Variants in ADK observed in about 807,000 individuals in gnomAD.
ADK encodes N6,N6-dimethyladenosine kinase.
In ADK, 24 loss-of-function variants were observed where a neutral mutation model predicts 44.7. The ratio of observed to expected loss-of-function variants is 0.54; its 90% CI spans 0.39 to 0.76. ADK has a LOEUF of 0.76. Among genes scored for constraint, ADK ranks in the 30% least tolerant of loss-of-function variants. The pLI, the probability that ADK is intolerant of heterozygous loss-of-function variation, is 0.00. For synonymous variants in ADK, 128 were observed against 142.6 expected, an observed-to-expected ratio of 0.90 and a Z score of 0.73; for missense variants, 321 against 425.1, an observed-to-expected ratio of 0.76 and a Z score of 2.15.
chr10:74,367,724 A>G (rs1842539077), intron 4 of ADK, among the ~76,000 whole-genome samples: 1 of 152,222 alleles, frequency 6.6e-6, no homozygotes, highest in African/African-American at 2.4e-5. Flanking sequence ...TACTGTAAAC[A>G]AGTGTCCTTT....
intron 9 of ADK, among the ~76,000 whole-genome samples, chr10:74,614,191 G>A (rs1852660330): frequency 6.6e-6 from 1 of 152,058 alleles, no homozygotes; most frequent in South Asian, 2.1e-4. Context: ...CAAGCCTGAA[G>A]AAATGAGACT....
At chr10:74,358,735 C>G (rs760185679) in intron 4 of ADK, among the ~76,000 whole-genome samples, 20 of 152,208 alleles carry the variant, frequency 1.3e-4, no homozygotes, top group Non-Finnish European at 2.4e-4. Context: ...CTACATCTCT[C>G]CAGCTCCATT....
At chr10:74,459,382 C>CATA (rs1846075633) in intron 6 of ADK, among the ~76,000 whole-genome samples, 1 of 151,866 alleles carries the variant, frequency 6.6e-6, no homozygotes, top group Admixed American at 6.6e-5. Context: ...CACCTTTTTA[C>CATA]ATTTCAGAGG....
Position 74,615,859 on chromosome 10 carries a change from C to T in ADK, c.877+15366C>T, listed in dbSNP as rs1852736939. Among the ~76,000 whole-genome samples the T allele has an allele frequency of 2.0e-5, 3 of 152,112 alleles. No individual in the cohort carries two copies. The South Asian group carries it at 6.2e-4, about 32-fold the overall frequency. ...TAGTAGTTGGGACTACAGGTGCCCACCATCACGCCTGGCTCATTTTTTTAT... is the reference window on the plus strand; with the variant it reads ...TAGTAGTTGGGACTACAGGTGCCCATCATCACGCCTGGCTCATTTTTTTAT... On this transcript the variant is annotated intron_variant, in intron 9 of 10. Coordinates refer to ENST00000539909, the MANE Select transcript of ADK (RefSeq NM_006721.4).
At chr10:74,607,464 G>T (rs2133983714) in intron 9 of ADK, among the ~76,000 whole-genome samples, 1 of 152,258 alleles carries the variant, frequency 6.6e-6, no homozygotes, top group African/African-American at 2.4e-5. Flanking sequence ...TGTCTTTAAA[G>T]GATTTTATTT....
chr10:74,337,470 A>G (rs1322439329), intron 4 of ADK, among the ~76,000 whole-genome samples: 1 of 152,174 alleles, frequency 6.6e-6, no homozygotes, highest in Admixed American at 6.5e-5. Context: ...GTAATTTGGA[A>G]TGGTGGGAAA....
chr10:74,279,719 G>A (rs913845970), intron 3 of ADK, among the ~76,000 whole-genome samples: 3 of 150,732 alleles, frequency 2.0e-5, no homozygotes, highest in African/African-American at 7.3e-5. Flanking sequence ...TTTTTCATGA[G>A]TGAAGTTGAG....
At chr10:74,284,989 A>G (rs1221078975) in intron 3 of ADK, among the ~76,000 whole-genome samples, 1 of 152,196 alleles carries the variant, frequency 6.6e-6, no homozygotes, top group African/African-American at 2.4e-5. Flanking sequence ...TGCTAATAAT[A>G]TAGTATAGCC....
chr10:74,361,816 A>G (rs1164777853), intron 4 of ADK, among the ~76,000 whole-genome samples: 1 of 152,236 alleles, frequency 6.6e-6, no homozygotes, highest in African/African-American at 2.4e-5. Context: ...GTTTTGAAGG[A>G]TAATTGTGCT....
intron 3 of ADK, among the ~76,000 whole-genome samples, chr10:74,261,954 G>C (rs1376852917): frequency 1.3e-5 from 2 of 151,400 alleles, no homozygotes; most frequent in African/African-American, 4.9e-5. Context: ...ATTTTCTTTA[G>C]AGCTATGAGT....
At chr10:74,455,677 T>C (rs1589127730) in intron 6 of ADK, among the ~76,000 whole-genome samples, 1 of 152,220 alleles carries the variant, frequency 6.6e-6, no homozygotes, top group South Asian at 2.1e-4. Flanking sequence ...GCCCAGCTAA[T>C]TTTTGTATTT....
intron 7 of ADK, among the ~76,000 whole-genome samples, chr10:74,547,839 G>A (rs1849893177): frequency 6.6e-6 from 1 of 151,770 alleles, no homozygotes; most frequent in Non-Finnish European, 1.5e-5. Context: ...TGTATTTTTG[G>A]TAGAGACAGG....
intron 1 of ADK, among the ~76,000 whole-genome samples, chr10:74,160,672 TGC>T (rs1841865544): frequency 6.6e-6 from 1 of 151,712 alleles, no homozygotes; most frequent in Non-Finnish European, 1.5e-5. Context: ...TAGGGGTGTG[TGC>T]GTGCATGCAG....
rs113380385 is a variant in ADK at position 74,502,329 on chromosome 10, C to T, written c.556-22927C>T. ...TAAATACAAAAAGAAGCATAGCTTC[C>T]TTTGTGCCACATATAAGAAATGTAG... On this transcript the variant is annotated intron_variant, in intron 6 of 10. Coordinates refer to ENST00000539909, the MANE Select transcript of ADK (RefSeq NM_006721.4). Among the ~76,000 whole-genome samples, 15 of 151,994 alleles carry T rather than the reference C, an allele frequency of 9.9e-5. 1 individual carries two copies. Among genetic ancestry groups the T allele is most frequent in the African/African-American group, 2.9e-4 (12 of 41,454 alleles).
chr10:74,191,875 G>T (rs1842962651), intron 1 of ADK, among the ~76,000 whole-genome samples: 1 of 151,882 alleles, frequency 6.6e-6, no homozygotes, highest in African/African-American at 2.4e-5. Context: ...CCACATTCAG[G>T]GTATTAAACT....
intron 6 of ADK, among the ~76,000 whole-genome samples, chr10:74,403,858 A>G (rs1843806379): frequency 1.3e-5 from 2 of 151,704 alleles, no homozygotes; most frequent in Admixed American, 6.6e-5. Context: ...AGCTGTTCCT[A>G]TTCCTTTTTT....
Position 74,349,076 on chromosome 10 carries a change from A to T in ADK, c.273+34331A>T, listed in dbSNP as rs1199698821. ...GAAATATGGAGAACACTGCAAAGAT[A>T]CTCCTTGAGAAGAGCAACCCCAAGA... On this transcript the variant is annotated intron_variant, in intron 4 of 10. Coordinates refer to ENST00000539909, the MANE Select transcript of ADK (RefSeq NM_006721.4). 2.0e-5 allele frequency among the ~76,000 whole-genome samples: 3 copies of T among 151,526 alleles called. No individual in the cohort carries two copies. In the East Asian group the frequency reaches 5.9e-4, roughly 30 times the overall value.
At chr10:74,660,214 C>T (rs889409436) in intron 9 of ADK, among the ~76,000 whole-genome samples, 3 of 152,104 alleles carry the variant, frequency 2.0e-5, no homozygotes, top group Non-Finnish European at 4.4e-5. Context: ...CTGCAATTTC[C>T]GCCTCCTGGA....
intron 2 of ADK, 142 bp from the exon 3 acceptor site, chr10:74,224,396 C>A (rs1485255407): frequency 2.9e-6 from 2 of 694,966 alleles, no homozygotes; most frequent in South Asian, 1.6e-5. Context: ...AGCAAAAAAC[C>A]GTCTACTTGG....
Sources: allele counts gnomAD v4.1 joint callset (sites outside exome capture counted in the v4.1 genomes callset), GRCh38; gene constraint gnomAD v4.1.1; transcripts MANE v1.5; gene names NCBI Gene and HGNC (gene_info 2026-07-23, HGNC 2026-07-21).